SIL1: variants seen among roughly 807,000 people sequenced by gnomAD.
SIL1 encodes nucleotide exchange factor SIL1.
Under a neutral mutation model 49.1 loss-of-function variants are expected in SIL1, and 40 were observed. That is an observed-to-expected ratio of 0.81 (90% CI 0.63 to 1.06). The LOEUF is 1.06. Among genes scored for constraint, SIL1 ranks in the 50% least tolerant of loss-of-function variants. SIL1 has a pLI of 0.00. For missense variants in SIL1, 500 were observed against 572.6 expected (o/e 0.87, Z 1.29); for synonymous variants, 253 against 250.8 (o/e 1.01, Z -0.08).
intron 7 of SIL1, among the ~76,000 whole-genome samples, chr5:138,990,016 T>A (rs546249838): frequency 3.3e-5 from 5 of 152,270 alleles, no homozygotes. Flanking sequence ...AAGGCATGCG[T>A]GCGACAGGAA....
At chr5:138,965,815 T>C (rs1464463378) in intron 7 of SIL1, among the ~76,000 whole-genome samples, 1 of 129,198 alleles carries the variant, frequency 7.7e-6, no homozygotes, top group Non-Finnish European at 1.6e-5. Flanking sequence ...ACAGGTCAAT[T>C]AACCTGCCTC....
At chr5:138,963,340 G>A (rs1767066256) in intron 7 of SIL1, among the ~76,000 whole-genome samples, 2 of 152,100 alleles carry the variant, frequency 1.3e-5, no homozygotes, top group Non-Finnish European at 2.9e-5. Context: ...CTTGTGTTCT[G>A]TCATAAACTT....
intron 1 of SIL1, among the ~76,000 whole-genome samples, chr5:139,157,155 T>C (rs1990929): frequency 0.4 from 61,150 of 152,136 alleles, 13,404 homozygotes; most frequent in South Asian, 0.52. Flanking sequence ...CTGAATTATC[T>C]TCTTGATGTT....
intron 1 of SIL1, among the ~76,000 whole-genome samples, chr5:139,192,721 G>A (rs1041948525): frequency 6.6e-6 from 1 of 152,070 alleles, no homozygotes; most frequent in East Asian, 1.9e-4. Flanking sequence ...ACTTGGCTGG[G>A]TGTGGTGGTT....
chr5:139,128,724 C>G (rs1750803660), intron 1 of SIL1, among the ~76,000 whole-genome samples: 1 of 152,046 alleles, frequency 6.6e-6, no homozygotes, highest in Non-Finnish European at 1.5e-5. Flanking sequence ...AGACTTCATA[C>G]TGTTAACAAC....
chr5:139,011,116 T>C (rs1285555368), intron 7 of SIL1, among the ~76,000 whole-genome samples: 14 of 148,658 alleles, frequency 9.4e-5, no homozygotes, highest in South Asian at 2.2e-4. Context: ...ATCAGCGAGA[T>C]TCCGTGGGTG....
chr5:139,048,986 T>C (rs1461304314), intron 4 of SIL1, among the ~76,000 whole-genome samples: 1 of 152,232 alleles, frequency 6.6e-6, no homozygotes, highest in East Asian at 1.9e-4. Flanking sequence ...CAATATGAAG[T>C]AGAATTTTCT....
Position 139,026,970 on chromosome 5 carries a change from C to T in SIL1, c.476G>A (p.Arg159Gln), listed in dbSNP as rs1262083075. 7.4e-6 allele frequency: 12 copies of T among 1,613,992 alleles called. No homozygotes were observed. The highest frequency in any genetic ancestry group is 2.2e-5 in the East Asian group (1 of 44,896). Reference protein sequence around the residue: ...EDKARQAEVKRLFRPIEELKK... With the variant: ...EDKARQAEVKQLFRPIEELKK... ...CAGTTCCTCAATGGGGCGGAAGAGC[C>T]GCTTTACCTCAGCCTGCCTTGCCTA... is the stretch of plus-strand genomic sequence containing the variant. Residue 159 changes from arginine to glutamine, a missense_variant, in exon 6 of 10, where the codon CGG becomes CAG. By Grantham distance (43) the Arg-to-Gln change is conservative. Transcript: ENST00000394817.
intron 3 of SIL1, among the ~76,000 whole-genome samples, chr5:139,087,882 ACCC>A (rs1373470574): frequency 6.6e-6 from 1 of 152,058 alleles, no homozygotes; most frequent in African/African-American, 2.4e-5. Context: ...TTACCAGACC[ACCC>A]CTCCACATCC....
chr5:139,066,286 T>C (rs1769703461), intron 3 of SIL1, among the ~76,000 whole-genome samples: 1 of 152,198 alleles, frequency 6.6e-6, no homozygotes, highest in South Asian at 2.1e-4. Context: ...CCCCACGCTC[T>C]GGCTAAACTC....
chr5:138,954,139 C>A (rs184636648), intron 7 of SIL1, among the ~76,000 whole-genome samples: 1 of 152,210 alleles, frequency 6.6e-6, no homozygotes, highest in Non-Finnish European at 1.5e-5. Context: ...CCAGTCCCAC[C>A]CACTCTGTCC....
intron 1 of SIL1, among the ~76,000 whole-genome samples, chr5:139,160,973 G>C (rs1048947842): frequency 3.9e-5 from 6 of 152,210 alleles, no homozygotes; most frequent in Admixed American, 3.3e-4. Context: ...GCTGGGCGCG[G>C]TGGCTCATGC....
chr5:138,950,807 G>C (rs1766752904), intron 9 of SIL1, among the ~76,000 whole-genome samples: 1 of 152,196 alleles, frequency 6.6e-6, no homozygotes, highest in Non-Finnish European at 1.5e-5. Flanking sequence ...CGAAGAGTGA[G>C]TGCCATTCGA....
chr5:139,079,386 C>T (rs1429072366), intron 3 of SIL1, among the ~76,000 whole-genome samples: 2 of 152,222 alleles, frequency 1.3e-5, no homozygotes, highest in Non-Finnish European at 2.9e-5. Context: ...TACATCTCTT[C>T]TGAGGACAAG....
At chr5:139,143,344 C>CATATATATATATATATATATATAT (rs1314250793) in intron 1 of SIL1, among the ~76,000 whole-genome samples, 2 of 97,528 alleles carry the variant, frequency 2.1e-5, no homozygotes, top group African/African-American at 1.1e-4. Context: ...CACACACACA[C>CATATATATATATATATATATATAT]ATATATATAT....
chr5:139,182,279 T>A (rs908810393), intron 1 of SIL1, among the ~76,000 whole-genome samples: 1 of 152,162 alleles, frequency 6.6e-6, no homozygotes, highest in African/African-American at 2.4e-5. Flanking sequence ...GAAATTAATA[T>A]GACGCAACAC....
At chr5:138,977,580 A>G (rs1273924436) in intron 7 of SIL1, among the ~76,000 whole-genome samples, 1 of 152,090 alleles carries the variant, frequency 6.6e-6, no homozygotes. Context: ...GACTCAAGCA[A>G]TCTACCTCCC....
intron 1 of SIL1, among the ~76,000 whole-genome samples, chr5:139,136,616 G>A (rs964764737): frequency 3.9e-5 from 6 of 152,156 alleles, no homozygotes; most frequent in African/African-American, 1.4e-4. Context: ...AGGCAACAAT[G>A]TCAGGAGATC....
intron 3 of SIL1, among the ~76,000 whole-genome samples, chr5:139,119,785 A>C (rs1750574897): frequency 2.0e-5 from 3 of 152,152 alleles, no homozygotes; most frequent in Admixed American, 6.5e-5. Context: ...GATACAAGCA[A>C]CACTATATAC....
Sources: allele counts gnomAD v4.1 joint callset (sites outside exome capture counted in the v4.1 genomes callset), GRCh38; gene constraint gnomAD v4.1.1; transcripts MANE v1.5; gene names NCBI Gene and HGNC (gene_info 2026-07-23, HGNC 2026-07-21).